Variants in REDIC1 observed in about 807,000 individuals in gnomAD.
REDIC1 encodes HEI10 Interacting Protein 1.
chr12:39,847,534 A>G, the REDIC1 span, among the ~76,000 whole-genome samples: 2 of 152,108 alleles, frequency 1.3e-5, no homozygotes, highest in Non-Finnish European at 2.9e-5. Context: ...CTTGCTTCAC[A>G]GGAATGCTAT....
the REDIC1 span, among the ~76,000 whole-genome samples, chr12:39,710,942 T>G: frequency 6.6e-6 from 1 of 151,434 alleles, no homozygotes; most frequent in Non-Finnish European, 1.5e-5. Context: ...TGGTATTTCC[T>G]CACATGAGAA....
At chr12:39,656,741 T>A in the REDIC1 span, among the ~76,000 whole-genome samples, 38 of 152,254 alleles carry the variant, frequency 2.5e-4, no homozygotes, top group African/African-American at 8.9e-4. Context: ...AGATTGATGA[T>A]CCTGACCCTG....
At chr12:39,651,848 C>A in the REDIC1 span, among the ~76,000 whole-genome samples, 2 of 152,120 alleles carry the variant, frequency 1.3e-5, no homozygotes, top group African/African-American at 4.8e-5. Flanking sequence ...CATTTATTAT[C>A]CCCAGTAGTT....
chr12:39,856,949 G>T, the REDIC1 span, among the ~76,000 whole-genome samples: 1 of 152,232 alleles, frequency 6.6e-6, no homozygotes, highest in East Asian at 1.9e-4. Context: ...TACACCAGAC[G>T]CTGATTCCAG....
the REDIC1 span, among the ~76,000 whole-genome samples, chr12:39,858,964 A>G: frequency 6.6e-6 from 1 of 152,172 alleles, no homozygotes; most frequent in Non-Finnish European, 1.5e-5. Context: ...ACAGTCTTAC[A>G]GTGCTCATGT....
the REDIC1 span, among the ~76,000 whole-genome samples, chr12:39,715,953 T>C: frequency 6.6e-6 from 1 of 151,958 alleles, no homozygotes. Flanking sequence ...ATAAATTTCC[T>C]TCTAGAATGA....
chr12:39,868,304 G>T, the REDIC1 span, among the ~76,000 whole-genome samples: 1 of 152,120 alleles, frequency 6.6e-6, no homozygotes, highest in Non-Finnish European at 1.5e-5. Context: ...TTCTCCACAG[G>T]AAGTGAAAAG....
At chr12:39,759,909 G>A in the REDIC1 span, 2 of 702,174 alleles carry the variant, frequency 2.8e-6, no homozygotes, top group Non-Finnish European at 4.8e-6. Flanking sequence ...AGAATATGAA[G>A]TCAATCAAAA....
At chr12:39,683,079 A>G in the REDIC1 span, 1 of 1,612,872 alleles carries the variant, frequency 6.2e-7, no homozygotes, top group Non-Finnish European at 8.5e-7. Flanking sequence ...ACAAAAATGA[A>G]AGAAATGATC....
chr12:39,744,112 A>G, the REDIC1 span, among the ~76,000 whole-genome samples: 2 of 152,232 alleles, frequency 1.3e-5, no homozygotes. Flanking sequence ...AAAAAAAAGC[A>G]GTTATAAAGG....
chr12:39,857,146 T>C, the REDIC1 span, among the ~76,000 whole-genome samples: 2 of 152,222 alleles, frequency 1.3e-5, no homozygotes, highest in African/African-American at 2.4e-5. Context: ...CCCTTTATCT[T>C]GTTCTGTTAT....
At chr12:39,712,700 TATATATGTATATAGACGTATACGTG>T in the REDIC1 span, among the ~76,000 whole-genome samples, 1 of 4,188 alleles carries the variant, frequency 2.4e-4, no homozygotes, top group African/African-American at 1.8e-3. Context: ...CGTATACGTG[TATATATGTATATAGACGTATACGTG>T]TATATATGTA....
the REDIC1 span, among the ~76,000 whole-genome samples, chr12:39,781,395 C>CT: frequency 0.98 from 149,237 of 152,312 alleles, 73,122 homozygotes; most frequent in East Asian, 1. Flanking sequence ...TGGCCTGCCC[C>CT]CTCCAGCCTT....
At chr12:39,710,268 G>A in the REDIC1 span, among the ~76,000 whole-genome samples, 2 of 151,852 alleles carry the variant, frequency 1.3e-5, no homozygotes, top group African/African-American at 4.8e-5. Context: ...GTGTATATGT[G>A]TGTGCAATCT....
chr12:39,894,972 A>T, the REDIC1 span, among the ~76,000 whole-genome samples: 1 of 152,192 alleles, frequency 6.6e-6, no homozygotes, highest in Non-Finnish European at 1.5e-5. Flanking sequence ...TGTGCTTAAG[A>T]AGCATCATGG....
At chr12:39,785,099 C>A in the REDIC1 span, among the ~76,000 whole-genome samples, 5 of 152,294 alleles carry the variant, frequency 3.3e-5, no homozygotes, top group African/African-American at 9.6e-5. Context: ...GCATAAGTAG[C>A]AAGGGGCCTA....
At chr12:39,721,053 G>C in the REDIC1 span, 1 of 1,613,800 alleles carries the variant, frequency 6.2e-7, no homozygotes, top group Non-Finnish European at 8.5e-7. Flanking sequence ...ACTGCGTTCT[G>C]CAGGCTGCAA....
chr12:39,668,081 T>C, the REDIC1 span, among the ~76,000 whole-genome samples: 1 of 152,180 alleles, frequency 6.6e-6, no homozygotes, highest in Non-Finnish European at 1.5e-5. Flanking sequence ...AGGTTAATAT[T>C]GTTATGTGTG....
the REDIC1 span, chr12:39,626,199 G>C: frequency 1.2e-6 from 1 of 848,054 alleles, no homozygotes; most frequent in Non-Finnish European, 1.9e-6. Context: ...GGCCTCAGGC[G>C]GTGGACCAGA....
Sources: allele counts gnomAD v4.1 joint callset (sites outside exome capture counted in the v4.1 genomes callset), GRCh38; gene constraint gnomAD v4.1.1; transcripts MANE v1.5; gene names NCBI Gene and HGNC (gene_info 2026-07-23, HGNC 2026-07-21).